ARL15: variants seen among roughly 807,000 people sequenced by gnomAD.
ARL15 encodes the protein ADP-ribosylation factor-like protein 15.
In ARL15, 19 loss-of-function variants were observed where a neutral mutation model predicts 25.2. That is an observed-to-expected ratio of 0.75 (90% CI 0.53 to 1.10). The LOEUF (loss-of-function observed/expected upper bound fraction) is 1.10, where lower values mean the gene tolerates loss of function less well. Among genes scored for constraint, ARL15 ranks in the 50% least tolerant of loss-of-function variants. ARL15 has a pLI of 0.00. For missense variants in ARL15, 220 were observed against 246.0 expected, an observed-to-expected ratio of 0.89 and a Z score of 0.71; for synonymous variants, 94 against 86.8, an observed-to-expected ratio of 1.08 and a Z score of -0.46.
At chr5:54,045,352 A>C (rs1318454741) in intron 4 of ARL15, among the ~76,000 whole-genome samples, 1 of 152,184 alleles carries the variant, frequency 6.6e-6, no homozygotes, top group Non-Finnish European at 1.5e-5. Context: ...CATTGGGGCT[A>C]AGAACTGTAT....
intron 4 of ARL15, among the ~76,000 whole-genome samples, chr5:53,964,523 C>T (rs975625834): frequency 2.6e-5 from 4 of 152,082 alleles, no homozygotes; most frequent in African/African-American, 9.7e-5. Context: ...CCATGCCTGG[C>T]TAATTTTGTT....
chr5:54,072,940 A>G (rs1194547339), intron 4 of ARL15, among the ~76,000 whole-genome samples: 1 of 152,206 alleles, frequency 6.6e-6, no homozygotes, highest in Non-Finnish European at 1.5e-5. Context: ...CTTGAAATAC[A>G]TATGGCCCTC....
At chr5:54,011,270 G>A (rs1241547006) in intron 4 of ARL15, among the ~76,000 whole-genome samples, 1 of 152,108 alleles carries the variant, frequency 6.6e-6, no homozygotes, top group East Asian at 1.9e-4. Context: ...TTATAAAACT[G>A]TAAAATTTAA....
At chr5:53,949,486 A>G (rs1746873773) in intron 4 of ARL15, among the ~76,000 whole-genome samples, 1 of 152,202 alleles carries the variant, frequency 6.6e-6, no homozygotes, top group Non-Finnish European at 1.5e-5. Context: ...TTTGTTCTCA[A>G]ATATTAGGAG....
intron 3 of ARL15, among the ~76,000 whole-genome samples, chr5:54,144,295 A>G (rs746633483): frequency 2.3e-4 from 35 of 151,892 alleles, no homozygotes; most frequent in Non-Finnish European, 4.1e-4. Flanking sequence ...AATTACAGGG[A>G]TGCTAGAACT....
At chr5:54,215,381 C>T (rs1028010791) in intron 1 of ARL15, among the ~76,000 whole-genome samples, 1 of 152,082 alleles carries the variant, frequency 6.6e-6, no homozygotes, top group African/African-American at 2.4e-5. Context: ...GTCTGCTGCA[C>T]GGCCAGTCTA....
chr5:54,261,708 C>T (rs388337), intron 1 of ARL15, among the ~76,000 whole-genome samples: 109,126 of 152,006 alleles, frequency 0.72, 39,738 homozygotes, highest in African/African-American at 0.76. Context: ...TAAGTGAATG[C>T]TTCCATACTT....
chr5:54,152,519 C>T (rs1321351753), intron 3 of ARL15, among the ~76,000 whole-genome samples: 1 of 152,104 alleles, frequency 6.6e-6, no homozygotes, highest in Non-Finnish European at 1.5e-5. Context: ...TCAGAAAGTC[C>T]CCTCTTCCTT....
chr5:54,076,826 A>T (rs1330194828), intron 4 of ARL15, among the ~76,000 whole-genome samples: 1 of 151,972 alleles, frequency 6.6e-6, no homozygotes, highest in Admixed American at 6.6e-5. Flanking sequence ...TGTAGAAAAC[A>T]TCCATGGAGG....
chr5:53,972,218 C>A (rs1412165328), intron 4 of ARL15, among the ~76,000 whole-genome samples: 1 of 152,046 alleles, frequency 6.6e-6, no homozygotes, highest in East Asian at 1.9e-4. Context: ...AATAATTAGG[C>A]AAAGCAAACG....
At chr5:54,230,346 G>GAAAAAAAAAAA (rs137882615) in intron 1 of ARL15, among the ~76,000 whole-genome samples, 5 of 91,832 alleles carry the variant, frequency 5.4e-5, no homozygotes, top group Non-Finnish European at 8.3e-5. Context: ...TTCCATCTCA[G>GAAAAAAAAAAA]AAAAAAAAAA....
At chr5:54,054,199 A>C (rs1318690896) in intron 4 of ARL15, among the ~76,000 whole-genome samples, 2 of 152,172 alleles carry the variant, frequency 1.3e-5, no homozygotes, top group African/African-American at 4.8e-5. Context: ...ACTATCCTGA[A>C]TGTTGTATTT....
At chr5:54,284,373 G>A (rs2112675016) in intron 1 of ARL15, among the ~76,000 whole-genome samples, 1 of 152,250 alleles carries the variant, frequency 6.6e-6, no homozygotes, top group East Asian at 1.9e-4. Context: ...CCAAAATGCT[G>A]GGATTATAGG....
Position 54,027,814 on chromosome 5 carries a change from C to A in ARL15, c.462+85388G>T, listed in dbSNP as rs960240244. Among the ~76,000 whole-genome samples the A allele has an allele frequency of 6.6e-4, 100 of 152,180 alleles. 2 individuals carry two copies. The highest frequency in any genetic ancestry group is 2.3e-3 in the African/African-American group (95 of 41,532). On this transcript the variant is annotated intron_variant, in intron 4 of 4. Coordinates refer to ENST00000504924, the MANE Select transcript of ARL15 (RefSeq NM_019087.3). ...GTCAAACAATGAGAACAAACTCACTCCCTGTATTTTGCGCTGAACATTCCC... is the reference window on the plus strand; with the variant it reads ...GTCAAACAATGAGAACAAACTCACTACCTGTATTTTGCGCTGAACATTCCC...
At chr5:54,252,930 G>A (rs1218146959) in intron 1 of ARL15, among the ~76,000 whole-genome samples, 1 of 151,952 alleles carries the variant, frequency 6.6e-6, no homozygotes. Context: ...TTGCCATGTT[G>A]CCCAGGCTGG....
At chr5:54,203,133 G>T (rs374782709) in intron 1 of ARL15, among the ~76,000 whole-genome samples, 1 of 151,928 alleles carries the variant, frequency 6.6e-6, no homozygotes, top group African/African-American at 2.4e-5. Context: ...TGAATCAACA[G>T]TAAGTCCCAT....
In ARL15 at chr5:54,228,648, T is replaced by C. The variant is rs138215562; in HGVS notation, c.49-56720A>G. On this transcript the variant is annotated intron_variant, in intron 1 of 4. Coordinates refer to ENST00000504924, the MANE Select transcript of ARL15 (RefSeq NM_019087.3). ...AAATAGTTCTAACCTCTTCCACAAG[T>C]AGTTTGCTTATTTGTTCATCCTTTT... Among the ~76,000 whole-genome samples the C allele has an allele frequency of 6.1e-3, 935 of 152,328 alleles. 5 individuals carry two copies. Among genetic ancestry groups the C allele is most frequent in the Middle Eastern group, 0.037 (11 of 294 alleles).
At chr5:54,134,564 T>C (rs1007478709) in intron 3 of ARL15, among the ~76,000 whole-genome samples, 1 of 146,976 alleles carries the variant, frequency 6.8e-6, no homozygotes, top group South Asian at 2.2e-4. Flanking sequence ...GAAGGAATGA[T>C]TAGCTTTTTT....
At chr5:53,891,567 C>A (rs1205824923) in intron 4 of ARL15, among the ~76,000 whole-genome samples, 1 of 152,274 alleles carries the variant, frequency 6.6e-6, no homozygotes, top group South Asian at 2.1e-4. Flanking sequence ...ATACAGGTAC[C>A]TCTCACCCTG....
Sources: allele counts gnomAD v4.1 joint callset (sites outside exome capture counted in the v4.1 genomes callset), GRCh38; gene constraint gnomAD v4.1.1; transcripts MANE v1.5; gene names NCBI Gene and HGNC (gene_info 2026-07-23, HGNC 2026-07-21).